Variants in SIRPB1 observed in about 807,000 individuals in gnomAD.
The protein encoded by SIRPB1 is signal regulatory protein beta 1.
A neutral mutation model predicts 34.1 loss-of-function variants in SIRPB1; 28 were observed. That is an observed-to-expected ratio of 0.82 (90% CI 0.61 to 1.12). The LOEUF (loss-of-function observed/expected upper bound fraction) is 1.12. SIRPB1 is among the 50% of genes most tolerant of loss of function. The probability of loss-of-function intolerance (pLI) is 0.00; values close to 1 mark genes in which losing one functional copy is unlikely to be tolerated. For missense variants in SIRPB1, 499 were observed against 507.0 expected, an observed-to-expected ratio of 0.98 and a Z score of 0.15; for synonymous variants, 211 against 203.8, an observed-to-expected ratio of 1.04 and a Z score of -0.30.
intron 1 of SIRPB1, among the ~76,000 whole-genome samples, chr20:1,616,934 C>T (rs911983482): frequency 2.0e-5 from 3 of 152,058 alleles, no homozygotes; most frequent in Non-Finnish European, 2.9e-5. Flanking sequence ...GCCATCAGAC[C>T]TATAAAAATA....
At chr20:1,618,938 C>T (rs918143996) in intron 1 of SIRPB1, among the ~76,000 whole-genome samples, 4 of 152,180 alleles carry the variant, frequency 2.6e-5, no homozygotes, top group Admixed American at 6.5e-5. Flanking sequence ...CACCTCTGAA[C>T]GTTACAGTTT....
rs2091099659 is a variant in SIRPB1, at chr20:1,564,043, A to G, written c.*1457T>C. ...CAAAGAAACAGCACTTGAACTCTCA[A>G]TGTTTCTAATGCTTTGAATTGTAGT... On this transcript the variant is annotated 3_prime_UTR_variant, in exon 6 of 6. Transcript: ENST00000381605. 6.6e-6 allele frequency: 1 copy of G among 152,212 alleles called. No homozygotes were observed. The highest frequency in any genetic ancestry group is 1.5e-5 in the Non-Finnish European group (1 of 68,020). 9.4% of individuals were successfully genotyped at this position (152,212 alleles called of 1,614,324 possible).
intron 1 of SIRPB1, among the ~76,000 whole-genome samples, chr20:1,617,028 A>G (rs2091639832): frequency 6.6e-6 from 1 of 152,228 alleles, no homozygotes; most frequent in Non-Finnish European, 1.5e-5. Context: ...GCTACTATAA[A>G]AAAGATGATA....
intron 2 of SIRPB1, among the ~76,000 whole-genome samples, chr20:1,577,731 C>T (rs1377921734): frequency 1.4e-5 from 2 of 146,342 alleles, no homozygotes; most frequent in African/African-American, 5.0e-5. Flanking sequence ...AATGTGCCTC[C>T]GAGAAATCTT....
rs1256829573 is a variant in SIRPB1 at position 1,605,895 on chromosome 20, A to G, written c.76+13974T>C. The G allele has an allele frequency of 1.5e-5, 3 of 199,338 alleles. 1 individual carries two copies. The highest frequency in any genetic ancestry group is 2.9e-5 in the Non-Finnish European group (3 of 101,754). 12.3% of individuals were successfully genotyped at this position (199,338 alleles called of 1,614,324 possible). On this transcript the variant is annotated intron_variant, in intron 1 of 5. Transcript: ENST00000381605. ...GATGTTGCAGTAGATAGACCTGGAT[A>G]ACAACTGAAGCCAGGGTCCGTGGGA...
At chr20:1,571,547 C>G (rs1460321343) in intron 3 of SIRPB1, among the ~76,000 whole-genome samples, 173 bp downstream of exon 3, 1 of 152,180 alleles carries the variant, frequency 6.6e-6, no homozygotes, top group Non-Finnish European at 1.5e-5. Flanking sequence ...GTTGCTGGTC[C>G]CCTGACAGCT....
At chr20:1,568,827 AAG>A (rs1263353819) in intron 4 of SIRPB1, among the ~76,000 whole-genome samples, 1 of 152,182 alleles carries the variant, frequency 6.6e-6, no homozygotes, top group South Asian at 2.1e-4. Flanking sequence ...TAAAAAAAAA[AAG>A]AGAGAAGAGA....
chr20:1,567,467 C>G (rs1205711117), intron 4 of SIRPB1, among the ~76,000 whole-genome samples: 1 of 152,222 alleles, frequency 6.6e-6, no homozygotes, highest in African/African-American at 2.4e-5. Context: ...GCATGTTGAC[C>G]CTGACAGCAC....
At chr20:1,578,931 G>A (rs2091362187) in intron 1 of SIRPB1, among the ~76,000 whole-genome samples, 1 of 147,956 alleles carries the variant, frequency 6.8e-6, no homozygotes, top group Non-Finnish European at 1.5e-5. Context: ...ACTTTCTTCT[G>A]TTCTTTCTGT....
intron 4 of SIRPB1, chr20:1,570,583 G>A (rs1030578820): frequency 2.1e-5 from 9 of 437,100 alleles, no homozygotes; most frequent in African/African-American, 1.2e-4. Flanking sequence ...CAGACTTGAC[G>A]CACAGTTTCT....
At chr20:1,618,759 G>A (rs1213775932) in intron 1 of SIRPB1, among the ~76,000 whole-genome samples, 4 of 152,170 alleles carry the variant, frequency 2.6e-5, no homozygotes, top group Non-Finnish European at 4.4e-5. Flanking sequence ...TGGGAGCTGT[G>A]AGCAGGGTTC....
rs1330385847 is a variant in SIRPB1 at position 1,605,743 on chromosome 20, C to T, written c.76+14126G>A. 4 of 152,236 alleles carry T rather than the reference C, an allele frequency of 2.6e-5. 1 individual carries two copies. Among genetic ancestry groups the T allele is most frequent in the Admixed American group, 2.5e-4 (4 of 15,818 alleles). The allele number at this position is 152,236 out of a possible 1,614,324, so 9.4% of individuals were successfully genotyped here. On this transcript the variant is annotated intron_variant, in intron 1 of 5. Coordinates refer to ENST00000381605, the MANE Select transcript of SIRPB1 (RefSeq NM_006065.5). The stretch of plus-strand genomic sequence containing the variant: ...GGTATTATAAAAATATGAAACATTC[C>T]GTATTTTTCTTTTCACAAATATTTC...
rs1467460872 is a variant in SIRPB1 at position 1,561,774 on chromosome 20, G to C, written c.*3726C>G. On this transcript the variant is annotated 3_prime_UTR_variant, in exon 6 of 6. Transcript: ENST00000381605. The stretch of plus-strand genomic sequence containing the variant: ...TTGATGAACTCTTGATCACCTGGCT[G>C]AAGCTGTATTTGTCAGATTTTTCCA... 6.6e-6 allele frequency among the ~76,000 whole-genome samples: 1 copy of C among 152,174 alleles called. No homozygotes were observed. Among genetic ancestry groups the C allele is most frequent in the Non-Finnish European group, 1.5e-5 (1 of 68,022 alleles).
At chr20:1,579,632 C>T (rs2091374328) in intron 1 of SIRPB1, among the ~76,000 whole-genome samples, 1 of 148,624 alleles carries the variant, frequency 6.7e-6, no homozygotes, top group African/African-American at 2.4e-5. Context: ...TTTTAAGCCC[C>T]TGGTAATTTT....
chr20:1,609,391 A>G lies in SIRPB1; in HGVS notation c.76+10478T>C, dbSNP rs1468562065. ...CATGTTTTACGCTTTACATATACAC[A>G]TTTTTTTAAAAAGCTGTTAGTAAAG... On this transcript the variant is annotated intron_variant, in intron 1 of 5. Transcript: ENST00000381605. 4.2e-5 allele frequency among the ~76,000 whole-genome samples: 3 copies of G among 72,094 alleles called. 1 individual carries two copies. The highest frequency in any genetic ancestry group is 7.8e-5 in the Non-Finnish European group (3 of 38,522). 47.3% of individuals were successfully genotyped at this position (72,094 alleles called of 152,430 possible).
intron 4 of SIRPB1, among the ~76,000 whole-genome samples, chr20:1,568,153 C>G (rs759093759): frequency 2.0e-5 from 3 of 152,170 alleles, no homozygotes; most frequent in Non-Finnish European, 4.4e-5. Flanking sequence ...TATAAATATC[C>G]TCCCCAAGCC....
At position 1,571,763 on chromosome 20, in the gene SIRPB1, C is replaced by T. The variant is rs1177322601; in HGVS notation, c.708G>A (p.Gly236=). 4.3e-6 allele frequency: 7 copies of T among 1,614,216 alleles called. No individual in the cohort carries two copies. The highest frequency in any genetic ancestry group is 5.9e-6 in the Non-Finnish European group (7 of 1,180,042). Residue 236 remains glycine, a synonymous_variant, in exon 3 of 6, where the codon GGG becomes GGA. Transcript: ENST00000381605. ...AGTTGGCAGTCCCACGAAGAGGGTCCCCCTGCAAGGTGATGTGGGCTATCT... is the reference window on the plus strand; with the variant it reads ...AGTTGGCAGTCCCACGAAGAGGGTCTCCCTGCAAGGTGATGTGGGCTATCT... ...ICEIAHITLQ[G]DPLRGTANLS... is the part of the protein sequence containing the mutation.
At chr20:1,605,952 G>T (rs200716503) in intron 1 of SIRPB1, 54,086 of 207,440 alleles carry the variant, frequency 0.26, 22,551 homozygotes, top group Middle Eastern at 0.31. Context: ...GTACTTTAAT[G>T]AAATAACCAA....
chr20:1,566,138 C>T lies in SIRPB1; in HGVS notation c.*2+15G>A, dbSNP rs771960596. ...TGGAGGAGCCCTTGGTCAGTCCTCC[C>T]TCTCCTAAACTTACAGTCAGGCCTT... On this transcript the variant is annotated intron_variant, in intron 5 of 5. Transcript: ENST00000381605. 14 of 1,555,382 alleles carry T rather than the reference C, an allele frequency of 9.0e-6. No homozygotes were observed. Among genetic ancestry groups the T allele is most frequent in the Admixed American group, 1.8e-5 (1 of 55,216 alleles).
Sources: allele counts gnomAD v4.1 joint callset (sites outside exome capture counted in the v4.1 genomes callset), GRCh38; gene constraint gnomAD v4.1.1; transcripts MANE v1.5; gene names NCBI Gene and HGNC (gene_info 2026-07-23, HGNC 2026-07-21).